MYO1E: variants seen among roughly 807,000 people sequenced by gnomAD.
MYO1E encodes myosin IE.
A neutral mutation model predicts 151.1 loss-of-function variants in MYO1E; 68 were observed. The observed-to-expected ratio is 0.45, with a 90% CI of 0.37 to 0.55. MYO1E has a LOEUF of 0.55. Ranked by LOEUF, MYO1E falls within the 20% of genes least tolerant of loss-of-function variation. MYO1E has a pLI of 0.00. For missense variants in MYO1E, 1,363 were observed against 1,389.3 expected, an observed-to-expected ratio of 0.98 and a Z score of 0.30; for synonymous variants, 601 against 501.7, an observed-to-expected ratio of 1.20 and a Z score of -2.64.
chr15:59,147,480 T>G (rs1265805742), intron 26 of MYO1E, among the ~76,000 whole-genome samples: 1 of 149,732 alleles, frequency 6.7e-6, no homozygotes, highest in African/African-American at 2.5e-5. Context: ...TAATCTCAGC[T>G]GCTTGCGAGG....
chr15:59,227,246 T>C (rs2079997650), intron 7 of MYO1E, among the ~76,000 whole-genome samples: 1 of 152,232 alleles, frequency 6.6e-6, no homozygotes, highest in Non-Finnish European at 1.5e-5. Context: ...TCTTGATGAT[T>C]TAGCTTTGGA....
chr15:59,239,225 T>TA (rs1300583176), intron 4 of MYO1E, among the ~76,000 whole-genome samples: 748 of 34,658 alleles, frequency 0.022, 8 homozygotes, highest in African/African-American at 0.14. Context: ...TATATATATA[T>TA]TTTTTTTATT....
chr15:59,195,433 C>T (rs545738120), intron 17 of MYO1E, 28 bp downstream of exon 17: 2 of 1,576,394 alleles, frequency 1.3e-6, no homozygotes, highest in Non-Finnish European at 1.7e-6. Context: ...AAGGTCCCGG[C>T]CCCACCTAAG....
intron 18 of MYO1E, among the ~76,000 whole-genome samples, chr15:59,183,839 C>T (rs1221153480): frequency 6.6e-6 from 1 of 152,146 alleles, no homozygotes; most frequent in Non-Finnish European, 1.5e-5. Flanking sequence ...CCCCCACTAC[C>T]CTTCCCAGCC....
chr15:59,213,759 C>A (rs2140342422), intron 12 of MYO1E, among the ~76,000 whole-genome samples: 1 of 152,322 alleles, frequency 6.6e-6, no homozygotes, highest in African/African-American at 2.4e-5. Flanking sequence ...CAGCACCCAG[C>A]CTGCAGTGAA....
At chr15:59,144,207 C>T (rs557566366) in intron 26 of MYO1E, among the ~76,000 whole-genome samples, 32 of 152,146 alleles carry the variant, frequency 2.1e-4, no homozygotes, top group South Asian at 4.1e-4. Context: ...CACTCTATGA[C>T]GCAGGCTGGA....
intron 8 of MYO1E, 48 bp from the exon 9 acceptor site, chr15:59,223,239 A>C: frequency 6.2e-7 from 1 of 1,613,282 alleles, no homozygotes; most frequent in Non-Finnish European, 8.5e-7. Context: ...CACCAGCTTT[A>C]AAAGCACCTT....
intron 1 of MYO1E, among the ~76,000 whole-genome samples, chr15:59,339,272 A>AATG (rs1181450170): frequency 6.6e-6 from 1 of 152,210 alleles, no homozygotes; most frequent in African/African-American, 2.4e-5. Context: ...GATGGTGTGG[A>AATG]ATGATACACA....
chr15:59,251,191 A>G (rs753697678), intron 4 of MYO1E, among the ~76,000 whole-genome samples: 71 of 152,140 alleles, frequency 4.7e-4, no homozygotes, highest in Non-Finnish European at 8.1e-4. Context: ...ACCAAATTCA[A>G]CATGACCCAG....
chr15:59,259,094 G>C (rs117289896), intron 3 of MYO1E, among the ~76,000 whole-genome samples: 1 of 152,060 alleles, frequency 6.6e-6, no homozygotes, highest in Non-Finnish European at 1.5e-5. Flanking sequence ...ACCATGCCCA[G>C]TCCAATTTCC....
At chr15:59,259,151 G>A (rs1213802867) in intron 3 of MYO1E, among the ~76,000 whole-genome samples, 2 of 152,030 alleles carry the variant, frequency 1.3e-5, no homozygotes, top group Non-Finnish European at 1.5e-5. Flanking sequence ...CAAAACTTTA[G>A]GCACTGATGT....
At chr15:59,272,536 C>T (rs1444819524) in intron 1 of MYO1E, 87 bp from the exon 2 acceptor site, 1 of 1,404,664 alleles carries the variant, frequency 7.1e-7, no homozygotes, top group African/African-American at 1.4e-5. Flanking sequence ...CCCAAATATT[C>T]TTAAAATAAA....
At chr15:59,302,383 G>A (rs746183764) in intron 1 of MYO1E, among the ~76,000 whole-genome samples, 4 of 152,130 alleles carry the variant, frequency 2.6e-5, no homozygotes, top group South Asian at 2.1e-4. Context: ...GGTGAGACGC[G>A]GGGCAGTGTG....
At chr15:59,282,236 T>C (rs1364079917) in intron 1 of MYO1E, among the ~76,000 whole-genome samples, 3 of 152,238 alleles carry the variant, frequency 2.0e-5, no homozygotes, top group Admixed American at 6.5e-5. Context: ...GTCTAGGTTG[T>C]GTTCTCACAA....
intron 1 of MYO1E, among the ~76,000 whole-genome samples, chr15:59,317,117 C>A (rs1156753146): frequency 6.6e-6 from 1 of 152,162 alleles, no homozygotes; most frequent in East Asian, 1.9e-4. Context: ...ATCCGTCTAT[C>A]TATCATCCAT....
rs1305129756 is a variant in MYO1E at position 59,136,408 on chromosome 15, C to A, written c.*972G>T. The A allele has an allele frequency of 1.1e-5, 2 of 176,940 alleles. No homozygotes were observed. The highest frequency in any genetic ancestry group is 2.4e-5 in the African/African-American group (1 of 42,176). The allele number at this position is 176,940 out of a possible 1,614,324, so 11.0% of individuals were successfully genotyped here. A position where few individuals can be genotyped will look rare whatever the true frequency, so the allele number is the denominator to read the frequency against. ...TTATTTAGGAGGTGGGGGCAGGACG[C>A]GGAGTAAGTTTCCTATAGGGAAAGA... On this transcript the variant is annotated 3_prime_UTR_variant, in exon 28 of 28. Coordinates refer to ENST00000288235, the MANE Select transcript of MYO1E (RefSeq NM_004998.4).
intron 19 of MYO1E, among the ~76,000 whole-genome samples, chr15:59,174,888 G>C (rs1261373752): frequency 6.6e-6 from 1 of 152,078 alleles, no homozygotes; most frequent in Non-Finnish European, 1.5e-5. Flanking sequence ...GCTGTTTAGG[G>C]ACCACATCAG....
chr15:59,236,213 C>T (rs1230636812), intron 5 of MYO1E, among the ~76,000 whole-genome samples: 2 of 151,728 alleles, frequency 1.3e-5, no homozygotes, highest in Non-Finnish European at 2.9e-5. Flanking sequence ...CATGGTGGGG[C>T]ACACCTGTAA....
At chr15:59,304,528 A>C (rs1158774326) in intron 1 of MYO1E, among the ~76,000 whole-genome samples, 1 of 152,220 alleles carries the variant, frequency 6.6e-6, no homozygotes, top group Admixed American at 6.5e-5. Context: ...CTTTCTTCTA[A>C]TTATTTAGGT....
Sources: allele counts gnomAD v4.1 joint callset (sites outside exome capture counted in the v4.1 genomes callset), GRCh38; gene constraint gnomAD v4.1.1; transcripts MANE v1.5; gene names NCBI Gene and HGNC (gene_info 2026-07-23, HGNC 2026-07-21).